SSBP3: variants seen among roughly 807,000 people sequenced by gnomAD.
SSBP3 encodes the protein single stranded DNA binding protein 3.
A neutral mutation model predicts 69.6 loss-of-function variants in SSBP3; 5 were observed. The ratio of observed to expected loss-of-function variants is 0.07; its 90% CI spans 0.04 to 0.15. The LOEUF (loss-of-function observed/expected upper bound fraction) is 0.15, where lower values mean the gene tolerates loss of function less well. Among genes scored for constraint, SSBP3 ranks in the 10% least tolerant of loss-of-function variants. The pLI is 1.00. For missense variants in SSBP3, 312 were observed against 534.0 expected (o/e 0.58, Z 4.10); for synonymous variants, 196 against 193.4 (o/e 1.01, Z -0.11).
chr1:54,354,462 G>A (rs1646831713), intron 4 of SSBP3, among the ~76,000 whole-genome samples: 1 of 152,192 alleles, frequency 6.6e-6, no homozygotes, highest in Non-Finnish European at 1.5e-5. Flanking sequence ...GAAGTGGGGA[G>A]GTGGCCCTGC....
At chr1:54,359,418 G>T (rs1377336858) in intron 4 of SSBP3, among the ~76,000 whole-genome samples, 2 of 152,148 alleles carry the variant, frequency 1.3e-5, no homozygotes, top group Non-Finnish European at 2.9e-5. Flanking sequence ...GATTTTAGAG[G>T]TTATCGACTG....
intron 4 of SSBP3, among the ~76,000 whole-genome samples, chr1:54,321,762 A>C (rs1367152342): frequency 6.6e-6 from 1 of 152,218 alleles, no homozygotes; most frequent in Admixed American, 6.5e-5. Context: ...TCCATGTGCT[A>C]TTCTGGAAAT....
Position 54,258,984 on chromosome 1 carries a change from G to A in SSBP3, c.367-835C>T, listed in dbSNP as rs1212143408. 6.6e-6 allele frequency among the ~76,000 whole-genome samples: 1 copy of A among 152,172 alleles called. No individual in the cohort carries two copies. Among genetic ancestry groups the A allele is most frequent in the African/African-American group, 2.4e-5 (1 of 41,442 alleles). Reference sequence around the variant, plus strand: ...GGGATGAGAAGCCCCATGGGTCCAAGGCCCATCTCCAGCCCTGAAACCCAA... The same window carrying A: ...GGGATGAGAAGCCCCATGGGTCCAAAGCCCATCTCCAGCCCTGAAACCCAA... On this transcript the variant is annotated intron_variant, in intron 5 of 17. Coordinates refer to ENST00000610401, the Ensembl canonical transcript of SSBP3. This position sits in a 1 kb window ranked among gnomAD's most constrained non-coding sequence, Gnocchi z 4.5.
chr1:54,287,997 C>T (rs533221928), intron 4 of SSBP3, among the ~76,000 whole-genome samples: 75 of 152,236 alleles, frequency 4.9e-4, no homozygotes, highest in African/African-American at 1.7e-3. Flanking sequence ...AGGGGGCCAT[C>T]GTGTGGGAGG....
chr1:54,408,423 G>A (rs1649908552), upstream of SSBP3, among the ~76,000 whole-genome samples: 1 of 152,194 alleles, frequency 6.6e-6, no homozygotes, highest in Non-Finnish European at 1.5e-5. Flanking sequence ...AATGGGCTAG[G>A]AATGGCCAGG....
chr1:54,254,630 C>T (rs111259194), intron 7 of SSBP3, among the ~76,000 whole-genome samples: 2 of 152,148 alleles, frequency 1.3e-5, no homozygotes, highest in South Asian at 2.1e-4. Context: ...CCTCTAGTCT[C>T]GGCTCCCTTT....
chr1:54,388,737 C>T (rs1040470276), intron 4 of SSBP3, among the ~76,000 whole-genome samples: 2 of 152,230 alleles, frequency 1.3e-5, no homozygotes, highest in African/African-American at 2.4e-5. Context: ...CTCTTACACC[C>T]TCAGTGTGTC....
At chr1:54,412,458 C>T (rs1650018110) in intron 1 of SSBP3, among the ~76,000 whole-genome samples, 1 of 152,190 alleles carries the variant, frequency 6.6e-6, no homozygotes, top group Admixed American at 6.5e-5. Context: ...GACAAATACT[C>T]TACGATTCCG....
chr1:54,321,154 G>T (rs1646205384), intron 4 of SSBP3, among the ~76,000 whole-genome samples: 2 of 152,212 alleles, frequency 1.3e-5, no homozygotes. Flanking sequence ...ACTGACCCTG[G>T]AGAGACAGGA....
At chr1:54,403,234 T>C (rs1570070448) in intron 3 of SSBP3, among the ~76,000 whole-genome samples, 1 of 152,150 alleles carries the variant, frequency 6.6e-6, no homozygotes, top group East Asian at 1.9e-4. Context: ...AGATTCTGGA[T>C]ATAACAGGAA....
chr1:54,257,280 T>C, intron 6 of SSBP3, 94 bp from the exon 7 acceptor site: 1 of 1,118,692 alleles, frequency 8.9e-7, no homozygotes, highest in Non-Finnish European at 1.2e-6. Context: ...AGTTTTGTTA[T>C]AACTAGTGAT....
At chr1:54,307,091 C>T (rs999303988) in intron 4 of SSBP3, among the ~76,000 whole-genome samples, 2 of 152,202 alleles carry the variant, frequency 1.3e-5, no homozygotes, top group Non-Finnish European at 2.9e-5. Flanking sequence ...TACCTGGGCA[C>T]CCTAAAATCC....
At chr1:54,313,149 A>G (rs1159167184) in intron 4 of SSBP3, among the ~76,000 whole-genome samples, 1 of 151,816 alleles carries the variant, frequency 6.6e-6, no homozygotes, top group African/African-American at 2.4e-5. Context: ...ATCCAAGACA[A>G]TGGGTGTACA....
chr1:54,325,685 A>G (rs1478005388), intron 4 of SSBP3, among the ~76,000 whole-genome samples: 1 of 152,130 alleles, frequency 6.6e-6, no homozygotes, highest in African/African-American at 2.4e-5. Flanking sequence ...TTTTTTGCCT[A>G]TTGCTCTCTT....
exon 1 of SSBP3, chr1:54,406,036 T>TCGCGCCGCCAC (rs1553151689): frequency 1.6e-6 from 2 of 1,287,882 alleles, no homozygotes; most frequent in African/African-American, 3.1e-5. Context: ...GCGCCGAGCC[T>TCGCGCCGCCAC]CGCCGCCGCC....
chr1:54,242,912 T>C (rs1231237686), intron 10 of SSBP3: 2 of 240,132 alleles, frequency 8.3e-6, no homozygotes, highest in Non-Finnish European at 1.6e-5. Flanking sequence ...ATTGTGCCAC[T>C]GTACTCCAGC....
At chr1:54,320,323 T>TTTTTG (rs112628187) in intron 4 of SSBP3, among the ~76,000 whole-genome samples, 1 of 152,154 alleles carries the variant, frequency 6.6e-6, no homozygotes, top group Non-Finnish European at 1.5e-5. Context: ...CAAAAAGGTT[T>TTTTTG]TTTTGTTTTG....
chr1:54,229,434 T>A (rs1644343948), intron 14 of SSBP3, among the ~76,000 whole-genome samples: 1 of 151,936 alleles, frequency 6.6e-6, no homozygotes, highest in South Asian at 2.1e-4. Flanking sequence ...GAGGTGGGGT[T>A]TGATGAGTGG....
chr1:54,308,696 A>T (rs1645945232), intron 4 of SSBP3, among the ~76,000 whole-genome samples: 1 of 152,088 alleles, frequency 6.6e-6, no homozygotes, highest in Non-Finnish European at 1.5e-5. Flanking sequence ...CGAACCCAGA[A>T]GGCAGAGGCT....
Sources: allele counts gnomAD v4.1 joint callset (sites outside exome capture counted in the v4.1 genomes callset), GRCh38; gene constraint gnomAD v4.1.1; non-coding constraint Gnocchi (gnomAD v3.1); transcripts MANE v1.5; gene names NCBI Gene and HGNC (gene_info 2026-07-23, HGNC 2026-07-21).